The following ROBO2 variants were observed in gnomAD, a reference collection of about 807,000 sequenced individuals.
ROBO2 encodes roundabout homolog 2.
A neutral mutation model predicts 160.8 loss-of-function variants in ROBO2; 53 were observed. The ratio of observed to expected loss-of-function variants is 0.33; its 90% CI spans 0.26 to 0.41. The LOEUF (loss-of-function observed/expected upper bound fraction) is 0.41. Ranked by LOEUF, ROBO2 falls within the 10% of genes least tolerant of loss-of-function variation. ROBO2 has a pLI of 1.00. For missense variants in ROBO2, 1,577 were observed against 1,722.4 expected (o/e 0.92, Z 1.49); for synonymous variants, 664 against 611.7 (o/e 1.09, Z -1.26).
At chr3:75,947,704 T>C (rs1948365202) in intron 2 of ROBO2, among the ~76,000 whole-genome samples, 1 of 151,998 alleles carries the variant, frequency 6.6e-6, no homozygotes, top group African/African-American at 2.4e-5. Context: ...AAAATAACAA[T>C]AAATGCATTA....
At chr3:76,361,673 A>C (rs1339258904) in intron 2 of ROBO2, among the ~76,000 whole-genome samples, 3 of 152,124 alleles carry the variant, frequency 2.0e-5, no homozygotes, top group Non-Finnish European at 2.9e-5. Flanking sequence ...GAAATGCATA[A>C]TCTTTATGTA....
chr3:77,246,578 C>A (rs2089755508), intron 2 of ROBO2, among the ~76,000 whole-genome samples: 1 of 151,776 alleles, frequency 6.6e-6, no homozygotes, highest in African/African-American at 2.4e-5. Context: ...AATGAGCCCA[C>A]CCCCATGTTA....
chr3:75,926,372 T>C (rs192122889), intron 1 of ROBO2, among the ~76,000 whole-genome samples: 24 of 152,310 alleles, frequency 1.6e-4, no homozygotes, highest in Non-Finnish European at 5.9e-5. Context: ...CCATTAGTTG[T>C]TTTTCCTGAT....
At chr3:77,435,583 A>G (rs1459903345) in intron 2 of ROBO2, among the ~76,000 whole-genome samples, 1 of 151,906 alleles carries the variant, frequency 6.6e-6, no homozygotes, top group Non-Finnish European at 1.5e-5. Flanking sequence ...ACAGATACTA[A>G]TTGTACCCCA....
At position 76,666,194 on chromosome 3, in the gene ROBO2, GTATAA is replaced by G. The variant is rs2092040320; in HGVS notation, c.110-431813_110-431809del. On this transcript the variant is annotated intron_variant, in intron 2 of 26. Transcript: ENST00000487694. Reference sequence around the variant, plus strand: ...CGATTGTTACTCTACAAATCAGGATGTATAATATAATTTGAAGCTCTCTGGGATTA... The same window carrying G: ...CGATTGTTACTCTACAAATCAGGATGTATAATTTGAAGCTCTCTGGGATTA... Among the ~76,000 whole-genome samples, 4 of 151,532 alleles carry G rather than the reference GTATAA, an allele frequency of 2.6e-5. No individual in the cohort carries two copies. In the Admixed American group the frequency reaches 2.6e-4, roughly 10 times the overall value.
chr3:76,675,908 C>CAT (rs2092395950), intron 2 of ROBO2, among the ~76,000 whole-genome samples: 1 of 152,016 alleles, frequency 6.6e-6, no homozygotes, highest in African/African-American at 2.4e-5. Context: ...AGACCATGGA[C>CAT]ATATAGCTTT....
At chr3:77,445,006 G>A (rs766261569) in intron 2 of ROBO2, among the ~76,000 whole-genome samples, 9 of 152,122 alleles carry the variant, frequency 5.9e-5, no homozygotes, top group South Asian at 4.1e-4. Flanking sequence ...TTGAAATGGC[G>A]TATGGCTCTT....
At chr3:76,505,670 T>C (rs1331547662) in intron 2 of ROBO2, among the ~76,000 whole-genome samples, 5 of 152,288 alleles carry the variant, frequency 3.3e-5, no homozygotes, top group African/African-American at 1.2e-4. Context: ...AAAGACATCA[T>C]GGATTGCAGG....
At chr3:76,479,409 T>G (rs2079096737) in intron 2 of ROBO2, among the ~76,000 whole-genome samples, 2 of 152,286 alleles carry the variant, frequency 1.3e-5, no homozygotes, top group South Asian at 4.1e-4. Flanking sequence ...AATATGAAAA[T>G]CTGCCTTTCC....
At chr3:76,683,000 C>A (rs1333312386) in intron 2 of ROBO2, among the ~76,000 whole-genome samples, 1 of 152,028 alleles carries the variant, frequency 6.6e-6, no homozygotes, top group South Asian at 2.1e-4. Context: ...ATTAGCCAGA[C>A]AGAACAATCA....
rs148765055 is a variant in ROBO2 at position 76,612,387 on chromosome 3, A to G, written c.110-485627A>G. On this transcript the variant is annotated intron_variant, in intron 2 of 26. Coordinates refer to the ROBO2 transcript ENST00000487694. Reference sequence around the variant, plus strand: ...TCCAGCTATTACTATATCGGGGTCTATCTCTCTCTTTAGCTGTATAATATT... The same window carrying G: ...TCCAGCTATTACTATATCGGGGTCTGTCTCTCTCTTTAGCTGTATAATATT... Among the ~76,000 whole-genome samples, 8 of 152,280 alleles carry G rather than the reference A, an allele frequency of 5.3e-5. No individual in the cohort carries two copies. The East Asian group carries it at 1.4e-3, about 26-fold the overall frequency.
intron 2 of ROBO2, among the ~76,000 whole-genome samples, chr3:76,892,978 G>A (rs189966603): frequency 1.9e-4 from 29 of 152,168 alleles, no homozygotes; most frequent in Admixed American, 1.5e-3. Context: ...TTCTCTACCT[G>A]CCGATGTGGC....
chr3:76,464,743 T>G (rs2078274259), intron 2 of ROBO2, among the ~76,000 whole-genome samples: 1 of 152,136 alleles, frequency 6.6e-6, no homozygotes, highest in Admixed American at 6.6e-5. Context: ...GTTTCAAGTT[T>G]TCAAGATTAA....
At chr3:76,184,675 AC>A (rs1218798756) in intron 2 of ROBO2, among the ~76,000 whole-genome samples, 1 of 151,968 alleles carries the variant, frequency 6.6e-6, no homozygotes, top group Non-Finnish European at 1.5e-5. Flanking sequence ...CAAGCTATAG[AC>A]CCTGAGATGC....
At chr3:77,438,797 CT>C (rs879606217) in intron 2 of ROBO2, among the ~76,000 whole-genome samples, 2 of 152,084 alleles carry the variant, frequency 1.3e-5, no homozygotes, top group South Asian at 2.1e-4. Context: ...CTAAACTGTA[CT>C]TTTAAAGTAT....
At chr3:76,933,313 T>C (rs2183521) in intron 2 of ROBO2, among the ~76,000 whole-genome samples, 5,661 of 152,262 alleles carry the variant, frequency 0.037, 340 homozygotes, top group African/African-American at 0.13. Context: ...AGATATAGAA[T>C]TGTGTTCCTC....
At chr3:76,608,768 A>C (rs2109046672) in intron 2 of ROBO2, among the ~76,000 whole-genome samples, 1 of 152,056 alleles carries the variant, frequency 6.6e-6, no homozygotes, top group Non-Finnish European at 1.5e-5. Flanking sequence ...ATAGGGTCTT[A>C]TTTCTTCTGC....
chr3:77,276,738 C>G (rs572474732), intron 2 of ROBO2, among the ~76,000 whole-genome samples: 9 of 152,128 alleles, frequency 5.9e-5, no homozygotes, highest in Admixed American at 5.9e-4. Context: ...AAAAACATAC[C>G]CAAGATTGGG....
intron 2 of ROBO2, among the ~76,000 whole-genome samples, chr3:76,082,995 T>C (rs1361153204): frequency 6.6e-6 from 1 of 152,100 alleles, no homozygotes; most frequent in South Asian, 2.1e-4. Flanking sequence ...GGTGATGGCA[T>C]ATATGTAATG....
Sources: allele counts gnomAD v4.1 joint callset (sites outside exome capture counted in the v4.1 genomes callset), GRCh38; gene constraint gnomAD v4.1.1; transcripts MANE v1.5; gene names NCBI Gene and HGNC (gene_info 2026-07-23, HGNC 2026-07-21).